Variants in ITPRID1 observed in about 807,000 individuals in gnomAD.
The protein encoded by ITPRID1 is ITPR interacting domain containing 1, also known as protein ITPRID1.
ITPRID1 carries 96 observed loss-of-function variants against 95.4 expected under a neutral mutation model. The ratio of observed to expected loss-of-function variants is 1.01; its 90% CI spans 0.85 to 1.19. ITPRID1 has a LOEUF of 1.19. Ranked by LOEUF, ITPRID1 falls within the 50% of genes most tolerant of loss-of-function variation. The pLI is 0.00. For missense variants in ITPRID1, 1,339 were observed against 1,252.9 expected (o/e 1.07, Z -1.04); for synonymous variants, 510 against 453.6 (o/e 1.12, Z -1.58).
chr7:31,574,002 A>G (rs1785086442), intron 7 of ITPRID1, among the ~76,000 whole-genome samples: 2 of 152,096 alleles, frequency 1.3e-5, no homozygotes, highest in Admixed American at 1.3e-4. Context: ...ATAATACAGA[A>G]CACATTTTAA....
chr7:31,530,029 G>T (rs142250738), intron 1 of ITPRID1, among the ~76,000 whole-genome samples: 301 of 152,188 alleles, frequency 2.0e-3, no homozygotes, highest in Middle Eastern at 6.8e-3. Context: ...AATTGTCATG[G>T]ATTTGGGCCT....
chr7:31,578,303 G>T lies in ITPRID1; in HGVS notation c.1039G>T (p.Ala347Ser). ...TTGCTCATCTATGCCGGCCAAGCAG[G>T]CTCCTCCTTCCTGTGTGTCTGAGGG... Reference protein sequence around the residue: ...WPCSSMPAKQAPPSCVSEGSV... With the variant: ...WPCSSMPAKQSPPSCVSEGSV... The change falls in exon 9 of 15, where the codon GCT becomes TCT. Residue 347 changes from alanine (A) to serine (S), a missense_variant. Ala to Ser is a moderately conservative substitution (Grantham distance 99, BLOSUM62 1). Coordinates refer to ENST00000615280, the MANE Select transcript of ITPRID1 (RefSeq NM_001257967.3). 1 of 1,613,886 alleles carries T rather than the reference G, an allele frequency of 6.2e-7. No individual in the cohort carries two copies. The highest frequency in any genetic ancestry group is 8.5e-7 in the Non-Finnish European group (1 of 1,179,844).
At chr7:31,525,550 A>G (rs547583300) in intron 1 of ITPRID1, among the ~76,000 whole-genome samples, 2 of 152,298 alleles carry the variant, frequency 1.3e-5, no homozygotes, top group South Asian at 2.1e-4. Context: ...AGGGGAAAAG[A>G]TGGGGAACTC....
chr7:31,520,515 T>TTGTGTGTG (rs57709822), intron 1 of ITPRID1, among the ~76,000 whole-genome samples: 18 of 135,560 alleles, frequency 1.3e-4, no homozygotes, highest in South Asian at 2.5e-4. Flanking sequence ...TACCACATCA[T>TTGTGTGTG]TGTGTGTGTG....
chr7:31,639,535 T>TG (rs751863309), intron 10 of ITPRID1, among the ~76,000 whole-genome samples: 1 of 20,654 alleles, frequency 4.8e-5, no homozygotes, highest in South Asian at 1.8e-3. Context: ...TTTGTTTGTT[T>TG]TTGTTTTTTT....
At chr7:31,641,019 G>A (rs1054994127) in intron 10 of ITPRID1, among the ~76,000 whole-genome samples, 4 of 152,136 alleles carry the variant, frequency 2.6e-5, no homozygotes, top group East Asian at 3.9e-4. Context: ...GGTAGCTGGG[G>A]TTTGGGCTGG....
At chr7:31,631,073 T>A (rs1788947742) in intron 10 of ITPRID1, among the ~76,000 whole-genome samples, 1 of 152,202 alleles carries the variant, frequency 6.6e-6, no homozygotes, top group Non-Finnish European at 1.5e-5. Context: ...TTAAAAGTTT[T>A]TAAAAAGTTT....
intron 8 of ITPRID1, among the ~76,000 whole-genome samples, chr7:31,575,738 C>A (rs1302367261): frequency 1.3e-5 from 2 of 152,096 alleles, no homozygotes; most frequent in African/African-American, 4.8e-5. Flanking sequence ...TTTAAATAAA[C>A]AAATTCACTA....
At chr7:31,578,776 C>G (rs1785291373) in intron 9 of ITPRID1, among the ~76,000 whole-genome samples, 1 of 152,154 alleles carries the variant, frequency 6.6e-6, no homozygotes, top group South Asian at 2.1e-4. Context: ...CTTCGAGGAT[C>G]AGTTCAACTA....
chr7:31,578,284 A>C lies in ITPRID1; in HGVS notation c.1020A>C (p.Ser340=), dbSNP rs1785266775. The change falls in exon 9 of 15, where the codon TCA becomes TCC. Residue 340 remains serine (S), a synonymous_variant. Coordinates refer to ENST00000615280, the MANE Select transcript of ITPRID1 (RefSeq NM_001257967.3). ...HGLLSKQWPC[S]SMPAKQAPPS... is the part of the protein sequence containing the mutation. ...TTCTGAGCAAGCAGTGGCCTTGCTC[A>C]TCTATGCCGGCCAAGCAGGCTCCTC... is the stretch of plus-strand genomic sequence containing the variant. 1 of 1,613,902 alleles carries C rather than the reference A, an allele frequency of 6.2e-7. No homozygotes were observed. Among genetic ancestry groups the C allele is most frequent in the Non-Finnish European group, 8.5e-7 (1 of 1,179,848 alleles).
At position 31,569,799 on chromosome 7, in the gene ITPRID1, G is replaced by T. The variant is rs1373318482; in HGVS notation, c.298G>T (p.Asp100Tyr). ...EQGMVQMTVK[D>Y]YMRSLHQFSE... is the part of the protein sequence containing the mutation. Reference sequence around the variant, plus strand: ...AGGGATGGTTCAAATGACTGTGAAAGACTACATGAGGTAGGTAGCAGAATC... The same window carrying T: ...AGGGATGGTTCAAATGACTGTGAAATACTACATGAGGTAGGTAGCAGAATC... The change falls in exon 6 of 15, where the codon GAC becomes TAC. Residue 100 changes from aspartate to tyrosine, a missense_variant. By Grantham distance (160) the Asp-to-Tyr change is radical. Transcript: ENST00000615280. The T allele has an allele frequency of 2.5e-6, 4 of 1,585,702 alleles. No homozygotes were observed. The South Asian group carries it at 4.6e-5, about 18-fold the overall frequency.
In ITPRID1 at chr7:31,654,185, G is replaced by A. The variant is rs571179005; in HGVS notation, c.*1356G>A. On this transcript the variant is annotated 3_prime_UTR_variant, in exon 15 of 15. Coordinates refer to ENST00000615280, the MANE Select transcript of ITPRID1 (RefSeq NM_001257967.3). ...TGCATTCATCAGGGTGCCTGTGGAAGGCCTTGCTAAAGGGAAGGCTATTTG... is the reference window on the plus strand; with the variant it reads ...TGCATTCATCAGGGTGCCTGTGGAAAGCCTTGCTAAAGGGAAGGCTATTTG... Among the ~76,000 whole-genome samples the A allele has an allele frequency of 3.3e-5, 5 of 152,312 alleles. 1 individual carries two copies. The highest frequency in any genetic ancestry group is 1.2e-4 in the African/African-American group (5 of 41,574).
chr7:31,557,663 C>T (rs1285059921), intron 5 of ITPRID1, among the ~76,000 whole-genome samples: 1 of 152,148 alleles, frequency 6.6e-6, no homozygotes, highest in Non-Finnish European at 1.5e-5. Context: ...ACTGAGGATG[C>T]ACATGCTAGA....
chr7:31,564,799 G>A (rs1383576587), intron 5 of ITPRID1, among the ~76,000 whole-genome samples: 2 of 152,146 alleles, frequency 1.3e-5, no homozygotes, highest in Admixed American at 1.3e-4. Context: ...CAGAAAATTG[G>A]AGAGCAGGTT....
chr7:31,628,511 A>G (rs1174254316), intron 10 of ITPRID1, among the ~76,000 whole-genome samples: 2 of 149,134 alleles, frequency 1.3e-5, no homozygotes, highest in African/African-American at 2.5e-5. Flanking sequence ...GGGATGGAGT[A>G]CAGTGGCGCG....
chr7:31,586,625 G>T (rs1319970095), intron 10 of ITPRID1, among the ~76,000 whole-genome samples: 1 of 152,142 alleles, frequency 6.6e-6, no homozygotes, highest in Non-Finnish European at 1.5e-5. Context: ...TTTTTTGGCT[G>T]TATAAATGTC....
intron 5 of ITPRID1, 129 bp from the exon 6 acceptor site, chr7:31,569,629 C>T: frequency 2.8e-6 from 2 of 702,694 alleles, no homozygotes; most frequent in Non-Finnish European, 4.9e-6. Context: ...GCAGTGATGC[C>T]TTGTATTTCA....
At chr7:31,575,977 C>G (rs1412973070) in intron 8 of ITPRID1, among the ~76,000 whole-genome samples, 1 of 151,882 alleles carries the variant, frequency 6.6e-6, no homozygotes, top group Admixed American at 6.6e-5. Context: ...TCCTTGTTAT[C>G]TCCTCTTGCA....
intron 1 of ITPRID1, among the ~76,000 whole-genome samples, chr7:31,549,111 C>T (rs1242654339): frequency 1.3e-5 from 2 of 152,114 alleles, no homozygotes; most frequent in Non-Finnish European, 2.9e-5. Flanking sequence ...ATGCAGTTCT[C>T]TTCTTGGCCA....
Sources: gnomAD v4.1 joint callset for allele counts (sites outside exome capture counted in the v4.1 genomes callset) on GRCh38, gnomAD v4.1.1 for gene constraint, MANE v1.5 for transcripts, NCBI Gene and HGNC (gene_info 2026-07-23, HGNC 2026-07-21) for gene names.